The following ENPP2 variants were observed in gnomAD, a reference collection of about 807,000 sequenced individuals.
ENPP2 encodes autotaxin.
In ENPP2, 51 loss-of-function variants were observed where a neutral mutation model predicts 120.2. The observed-to-expected ratio is 0.42, with a 90% CI of 0.34 to 0.54. ENPP2 has a LOEUF of 0.54. Among genes scored for constraint, ENPP2 ranks in the 20% least tolerant of loss-of-function variants. The probability of loss-of-function intolerance (pLI) is 0.04; values close to 1 mark genes in which losing one functional copy is unlikely to be tolerated. For missense variants in ENPP2, 920 were observed against 1,066.5 expected, an observed-to-expected ratio of 0.86 and a Z score of 1.91; for synonymous variants, 365 against 366.4, an observed-to-expected ratio of 1.00 and a Z score of 0.04.
intron 4 of ENPP2, among the ~76,000 whole-genome samples, chr8:119,620,226 A>G (rs1447482282): frequency 8.5e-5 from 13 of 152,228 alleles, no homozygotes; most frequent in Non-Finnish European, 1.2e-4. Flanking sequence ...TTAATGATTC[A>G]ATGATCAATG....
chr8:119,603,186 T>C (rs1247742574), intron 9 of ENPP2, among the ~76,000 whole-genome samples: 4 of 151,866 alleles, frequency 2.6e-5, no homozygotes, highest in Non-Finnish European at 4.4e-5. Flanking sequence ...ATCCTTTGTA[T>C]CTGAGCAAAA....
chr8:119,653,396 A>G (rs915154137), intron 1 of ENPP2, among the ~76,000 whole-genome samples: 1 of 152,258 alleles, frequency 6.6e-6, no homozygotes, highest in African/African-American at 2.4e-5. Context: ...CACAAGAGCA[A>G]GAAAACAGAG....
chr8:119,654,890 G>A (rs1021577901), intron 1 of ENPP2, among the ~76,000 whole-genome samples: 2 of 152,068 alleles, frequency 1.3e-5, no homozygotes, highest in African/African-American at 4.8e-5. Flanking sequence ...CTCTCTCAGA[G>A]AGCTGAGTCC....
intron 24 of ENPP2, 62 bp from the exon 25 acceptor site, chr8:119,557,753 C>A: frequency 7.2e-7 from 1 of 1,396,782 alleles, no homozygotes; most frequent in South Asian, 1.4e-5. Flanking sequence ...TCCAAATGGT[C>A]AGTTTACTCC....
At chr8:119,625,780 C>T (rs556292852) in intron 3 of ENPP2, among the ~76,000 whole-genome samples, 107 of 152,252 alleles carry the variant, frequency 7.0e-4, no homozygotes, top group African/African-American at 2.5e-3. Flanking sequence ...GGTGGGATGG[C>T]AGAAGTCCCC....
At chr8:119,660,542 A>T (rs964837937) in intron 1 of ENPP2, among the ~76,000 whole-genome samples, 3 of 152,232 alleles carry the variant, frequency 2.0e-5, no homozygotes, top group Non-Finnish European at 4.4e-5. Flanking sequence ...CAAAGGTAAC[A>T]AACAACCAGC....
intron 1 of ENPP2, among the ~76,000 whole-genome samples, chr8:119,646,660 A>G (rs1283733157): frequency 6.6e-6 from 1 of 152,150 alleles, no homozygotes; most frequent in East Asian, 1.9e-4. Flanking sequence ...GTCTGTTTCC[A>G]TCTCATAGGA....
intron 15 of ENPP2, among the ~76,000 whole-genome samples, chr8:119,584,880 T>C (rs560504615): frequency 6.6e-5 from 10 of 152,260 alleles, no homozygotes; most frequent in African/African-American, 2.4e-4. Flanking sequence ...AAACAAAAAA[T>C]CTAACATACG....
At chr8:119,596,085 G>A (rs1441905418) in intron 11 of ENPP2, 6 of 1,319,166 alleles carry the variant, frequency 4.5e-6, no homozygotes, top group Admixed American at 2.1e-5. Context: ...TTCCCATCTG[G>A]GATCAGCAGA....
At chr8:119,563,588 A>G (rs1411280184) in intron 23 of ENPP2, among the ~76,000 whole-genome samples, 3 of 152,224 alleles carry the variant, frequency 2.0e-5, no homozygotes, top group African/African-American at 4.8e-5. Context: ...AGGAAGTACT[A>G]AGGACCGAGT....
intron 2 of ENPP2, among the ~76,000 whole-genome samples, chr8:119,628,900 A>G (rs891041898): frequency 6.6e-6 from 1 of 152,312 alleles, no homozygotes; most frequent in East Asian, 1.9e-4. Flanking sequence ...TTTAGGGAAA[A>G]TGAGAAAGAA....
intron 24 of ENPP2, 133 bp downstream of exon 24, chr8:119,562,724 G>C (rs747394954): frequency 6.2e-5 from 54 of 876,802 alleles, no homozygotes; most frequent in Non-Finnish European, 9.0e-5. Context: ...AGTTCTGTTT[G>C]GTTCCTTTCT....
At chr8:119,596,358 T>A (rs1274676201) in intron 11 of ENPP2, among the ~76,000 whole-genome samples, 1 of 152,240 alleles carries the variant, frequency 6.6e-6, no homozygotes, top group African/African-American at 2.4e-5. Context: ...TCTTTGGTTA[T>A]GAAAAGCTCT....
intron 19 of ENPP2, among the ~76,000 whole-genome samples, chr8:119,578,045 G>T (rs79992681): frequency 0.083 from 12,596 of 151,876 alleles, 739 homozygotes; most frequent in African/African-American, 0.17. Flanking sequence ...GTGTTTTTTT[G>T]TTGTTGTTGT....
intron 19 of ENPP2, among the ~76,000 whole-genome samples, chr8:119,576,225 C>A (rs558524140): frequency 6.6e-6 from 1 of 152,326 alleles, no homozygotes; most frequent in East Asian, 1.9e-4. Context: ...TGCACCTCCA[C>A]CTCCTGGGTT....
chr8:119,562,932 G>A lies in ENPP2; in HGVS notation c.2346C>T (p.Ala782=), dbSNP rs767443258. The change falls in exon 24 of 25, where the codon GCC becomes GCT. Residue 782 remains alanine (A), a synonymous_variant. Transcript: ENST00000075322. ...ITSCLDFTQP[A]DKCDGPLSVS... ...CAGAGAGAGGGCCGTCACACTTGTC[G>A]GCAGGCTGAGTGAAATCCAGACAGC... 2.9e-5 allele frequency: 47 copies of A among 1,614,016 alleles called. No individual in the cohort carries two copies. The highest frequency in any genetic ancestry group is 8.9e-5 in the East Asian group (4 of 44,900).
At chr8:119,610,044 A>C (rs1485926448) in intron 8 of ENPP2, among the ~76,000 whole-genome samples, 1 of 152,244 alleles carries the variant, frequency 6.6e-6, no homozygotes, top group East Asian at 1.9e-4. Context: ...AAAAGGAAGG[A>C]GCACACAGAG....
At chr8:119,557,784 T>C in intron 24 of ENPP2, 93 bp from the exon 25 acceptor site, 1 of 1,046,958 alleles carries the variant, frequency 9.6e-7, no homozygotes, top group Non-Finnish European at 1.4e-6. Flanking sequence ...ATGACCTCTG[T>C]GCACTCTTGC....
At chr8:119,640,990 G>A (rs988939682), upstream of ENPP2, among the ~76,000 whole-genome samples, 17 of 151,964 alleles carry the variant, frequency 1.1e-4, no homozygotes, top group African/African-American at 2.7e-4. Flanking sequence ...CAGGTGATCC[G>A]CCCATCTCAG....
Sources: gnomAD v4.1 joint callset for allele counts (sites outside exome capture counted in the v4.1 genomes callset) on GRCh38, gnomAD v4.1.1 for gene constraint, MANE v1.5 for transcripts, NCBI Gene and HGNC (gene_info 2026-07-23, HGNC 2026-07-21) for gene names.